Variants in SLC2A9 observed in about 807,000 individuals in gnomAD.
The protein encoded by SLC2A9 is solute carrier family 2 member 9, also known as solute carrier family 2, facilitated glucose transporter member 9.
Under a neutral mutation model 50.6 loss-of-function variants are expected in SLC2A9, and 39 were observed. The ratio of observed to expected loss-of-function variants is 0.77; its 90% CI spans 0.60 to 1.01. The LOEUF (loss-of-function observed/expected upper bound fraction) is 1.01. Ranked by LOEUF, SLC2A9 falls within the 50% of genes least tolerant of loss-of-function variation. The probability of loss-of-function intolerance (pLI) is 0.00; values close to 1 mark genes in which losing one functional copy is unlikely to be tolerated. For missense variants in SLC2A9, 686 were observed against 677.6 expected, an observed-to-expected ratio of 1.01 and a Z score of -0.14; for synonymous variants, 324 against 276.9, an observed-to-expected ratio of 1.17 and a Z score of -1.69.
intron 3 of SLC2A9, among the ~76,000 whole-genome samples, chr4:9,786,956 G>A (rs561352436): frequency 1.3e-5 from 2 of 152,280 alleles, no homozygotes; most frequent in South Asian, 4.1e-4. Context: ...TGCAGCACTC[G>A]AGAGGACTTG....
At chr4:9,798,585 A>G (rs891269801), downstream of SLC2A9, 2 of 150,962 alleles carry the variant, frequency 1.3e-5, no homozygotes, top group Admixed American at 6.6e-5. Flanking sequence ...CATGAGCGTG[A>G]TAGGGCCTTC....
At chr4:9,982,402 GTTC>G (rs1391631487) in intron 4 of SLC2A9, among the ~76,000 whole-genome samples, 1 of 152,130 alleles carries the variant, frequency 6.6e-6, no homozygotes, top group Admixed American at 6.5e-5. Flanking sequence ...TTTCCTTCTT[GTTC>G]TTCTTTCTTT....
chr4:9,968,608 C>G (rs1200830742), intron 5 of SLC2A9, among the ~76,000 whole-genome samples: 1 of 152,154 alleles, frequency 6.6e-6, no homozygotes, highest in Non-Finnish European at 1.5e-5. Context: ...AGCCATATAT[C>G]CCCCTGCTTA....
At chr4:10,025,880 A>G (rs776020754), upstream of SLC2A9, 1 of 1,591,974 alleles carries the variant, frequency 6.3e-7, no homozygotes, top group Non-Finnish European at 8.5e-7. Context: ...CATGTAAGGG[A>G]GACAGAAAAA....
chr4:9,883,941 T>C (rs375976053), intron 10 of SLC2A9, among the ~76,000 whole-genome samples: 2 of 152,170 alleles, frequency 1.3e-5, no homozygotes, highest in African/African-American at 4.8e-5. Context: ...GAAGAGGGTG[T>C]TACCCCAGGT....
intron 3 of SLC2A9, among the ~76,000 whole-genome samples, chr4:9,793,620 A>C (rs1160078975): frequency 6.6e-6 from 1 of 152,312 alleles, no homozygotes; most frequent in Admixed American, 6.5e-5. Flanking sequence ...AGGAATGTTA[A>C]TTTACAACTG....
intron 6 of SLC2A9, among the ~76,000 whole-genome samples, chr4:9,922,492 T>A (rs1446665931): frequency 3.3e-5 from 5 of 151,982 alleles, no homozygotes; most frequent in African/African-American, 4.8e-5. Flanking sequence ...AAAAAAAAAA[T>A]TCTGATCTTT....
chr4:9,942,078 G>C, intron 5 of SLC2A9, 33 bp from the exon 6 acceptor site: 1 of 1,613,342 alleles, frequency 6.2e-7, no homozygotes. Flanking sequence ...TGAGTGCAGT[G>C]GCCTTTGGTC....
intron 3 of SLC2A9, 28 bp downstream of exon 3, chr4:9,996,753 C>A: frequency 1.2e-6 from 2 of 1,611,680 alleles, no homozygotes; most frequent in Non-Finnish European, 1.7e-6. Context: ...TGGAGGGCAC[C>A]CCCAGATAGA....
chr4:9,796,177 G>A (rs1418088467), downstream of SLC2A9, among the ~76,000 whole-genome samples: 1 of 152,200 alleles, frequency 6.6e-6, no homozygotes, highest in Non-Finnish European at 1.5e-5. Context: ...CTGAGGCTGA[G>A]GAAGGGTCCT....
rs1006102283 is a variant in SLC2A9, at chr4:9,948,561, A to T, written c.682-6516T>A. ...TGTCCTCTGGAATTGCCCTTGAAGGATGTTTCCTCCACCAAGGCTACCCAG... is the reference window on the plus strand; with the variant it reads ...TGTCCTCTGGAATTGCCCTTGAAGGTTGTTTCCTCCACCAAGGCTACCCAG... On this transcript the variant is annotated intron_variant, in intron 5 of 11. Transcript: ENST00000264784. Among the ~76,000 whole-genome samples, 4 of 152,224 alleles carry T rather than the reference A, an allele frequency of 2.6e-5. No homozygotes were observed. In the East Asian group the frequency reaches 7.7e-4, roughly 29 times the overall value.
chr4:10,014,158 G>A (rs1762225951), intron 2 of SLC2A9, among the ~76,000 whole-genome samples: 1 of 151,986 alleles, frequency 6.6e-6, no homozygotes, highest in Admixed American at 6.6e-5. Flanking sequence ...TCTGTTCCTG[G>A]TCTCCCTGGT....
chr4:9,802,805 C>G (rs1721627895), intron 3 of SLC2A9, among the ~76,000 whole-genome samples: 1 of 152,108 alleles, frequency 6.6e-6, no homozygotes, highest in Admixed American at 6.5e-5. Context: ...TCAGGTGAAT[C>G]CACCTGCCTT....
intron 8 of SLC2A9, 90 bp from the exon 9 acceptor site, chr4:9,890,801 A>G (rs1737263743): frequency 8.4e-7 from 1 of 1,187,644 alleles, no homozygotes; most frequent in Admixed American, 2.0e-5. Context: ...CAATGGCATC[A>G]TGATTAAAAA....
At chr4:9,919,893 G>A (rs1241854094) in intron 7 of SLC2A9, among the ~76,000 whole-genome samples, 1 of 152,114 alleles carries the variant, frequency 6.6e-6, no homozygotes, top group Admixed American at 6.6e-5. Context: ...AGCATCTGGG[G>A]AACCTCATGG....
Position 9,800,866 on chromosome 4 carries a change from G to C in SLC2A9, n.421-1625C>G, listed in dbSNP as rs146309620. On this transcript the variant is annotated intron_variant and non_coding_transcript_variant, in intron 3 of 3. Coordinates refer to the SLC2A9 transcript ENST00000503280. ...GAGCATTTGTGGATTTTGTATCCTT[G>C]GGGTCCTGAAACCAATAGCCATGGA... Among the ~76,000 whole-genome samples, 1,028 of 152,132 alleles carry C rather than the reference G, an allele frequency of 6.8e-3. 15 individuals are homozygous for C. The highest frequency in any genetic ancestry group is 0.023 in the African/African-American group (962 of 41,506).
chr4:10,037,941 A>T (rs1267591928), intron 1 of SLC2A9, among the ~76,000 whole-genome samples: 3 of 151,884 alleles, frequency 2.0e-5, no homozygotes, highest in Admixed American at 1.3e-4. Context: ...ACAGAATGAG[A>T]CTCTGTCTCA....
intron 6 of SLC2A9, among the ~76,000 whole-genome samples, chr4:9,929,692 A>G (rs749309220): frequency 2.6e-5 from 4 of 152,132 alleles, no homozygotes; most frequent in Non-Finnish European, 5.9e-5. Context: ...TCAGCAGGGG[A>G]GCGGAGGAGC....
At chr4:9,854,481 G>C (rs190731531) in intron 10 of SLC2A9, among the ~76,000 whole-genome samples, 56 of 152,178 alleles carry the variant, frequency 3.7e-4, no homozygotes, top group African/African-American at 1.2e-3. Context: ...CTACCAACCA[G>C]GAAAAGCTCA....
Sources: gnomAD v4.1 joint callset for allele counts (sites outside exome capture counted in the v4.1 genomes callset) on GRCh38, gnomAD v4.1.1 for gene constraint, MANE v1.5 for transcripts, NCBI Gene and HGNC (gene_info 2026-07-23, HGNC 2026-07-21) for gene names.